The following HS6ST3 variants were observed in gnomAD, a reference collection of about 807,000 sequenced individuals.
HS6ST3 encodes the protein heparan-sulfate 6-O-sulfotransferase 3.
A neutral mutation model predicts 36.7 loss-of-function variants in HS6ST3; 12 were observed. The observed-to-expected ratio is 0.33, with a 90% CI of 0.21 to 0.53. The LOEUF (loss-of-function observed/expected upper bound fraction) is 0.53. HS6ST3 is among the 20% of genes least tolerant of loss of function. HS6ST3 has a pLI of 0.95. For synonymous variants in HS6ST3, 240 were observed against 257.5 expected, an observed-to-expected ratio of 0.93 and a Z score of 0.65; for missense variants, 584 against 640.9, an observed-to-expected ratio of 0.91 and a Z score of 0.96.
chr13:96,364,073 A>G (rs1594763289), intron 1 of HS6ST3, among the ~76,000 whole-genome samples: 1 of 152,314 alleles, frequency 6.6e-6, no homozygotes, highest in East Asian at 1.9e-4. Flanking sequence ...AATAATTTAT[A>G]AAAATACTGG....
At chr13:96,247,639 G>A (rs571783758) in intron 1 of HS6ST3, among the ~76,000 whole-genome samples, 23 of 152,216 alleles carry the variant, frequency 1.5e-4, no homozygotes, top group African/African-American at 5.1e-4. Flanking sequence ...TTTCTTTAGA[G>A]TAGGGTGAAA....
intron 1 of HS6ST3, among the ~76,000 whole-genome samples, chr13:96,379,022 T>C (rs1324813856): frequency 6.6e-6 from 1 of 152,162 alleles, no homozygotes; most frequent in East Asian, 1.9e-4. Flanking sequence ...TCTTATTGAT[T>C]TAGCTTGTGC....
intron 1 of HS6ST3, among the ~76,000 whole-genome samples, chr13:96,656,040 T>A (rs1326672689): frequency 6.6e-6 from 1 of 152,176 alleles, no homozygotes; most frequent in Non-Finnish European, 1.5e-5. Flanking sequence ...ACATACTAAT[T>A]GATATAATCC....
chr13:96,130,274 G>C (rs1024343003), intron 1 of HS6ST3, among the ~76,000 whole-genome samples: 3 of 152,140 alleles, frequency 2.0e-5, no homozygotes, highest in Admixed American at 2.0e-4. Flanking sequence ...AAGGGCATGC[G>C]TGTGGTGCTG....
At chr13:96,360,066 A>T (rs555166888) in intron 1 of HS6ST3, among the ~76,000 whole-genome samples, 1 of 152,124 alleles carries the variant, frequency 6.6e-6, no homozygotes, top group Non-Finnish European at 1.5e-5. Context: ...GACAGGGCAG[A>T]GATGAAGTGA....
At chr13:96,210,522 G>T (rs141154428) in intron 1 of HS6ST3, among the ~76,000 whole-genome samples, 1,764 of 151,724 alleles carry the variant, frequency 0.012, 37 homozygotes, top group African/African-American at 0.041. Context: ...CTGTGTATTT[G>T]TTTCGATCAC....
chr13:96,260,840 A>G, intron 1 of HS6ST3, among the ~76,000 whole-genome samples: 1 of 151,748 alleles, frequency 6.6e-6, no homozygotes, highest in East Asian at 2.0e-4. Context: ...GGGTTTTGCC[A>G]TGTTGGCCAG....
chr13:96,673,000 T>C (rs980911917), intron 1 of HS6ST3, among the ~76,000 whole-genome samples: 14 of 152,214 alleles, frequency 9.2e-5, no homozygotes, highest in African/African-American at 2.9e-4. Context: ...ATTAGCAACA[T>C]TGGGCTGAAA....
intron 1 of HS6ST3, among the ~76,000 whole-genome samples, chr13:96,831,964 A>AAAAAAAAAAAC (rs1878799556): frequency 1.4e-5 from 2 of 145,606 alleles, no homozygotes; most frequent in African/African-American, 5.1e-5. Context: ...CAAAAAAAAA[A>AAAAAAAAAAAC]AAAAAAAAAA....
chr13:96,664,999 G>A (rs551059142), intron 1 of HS6ST3, among the ~76,000 whole-genome samples: 13 of 151,966 alleles, frequency 8.6e-5, no homozygotes, highest in Non-Finnish European at 1.3e-4. Flanking sequence ...TGGTGAAACC[G>A]CGTCTCTACA....
At chr13:96,176,217 C>G (rs991254500) in intron 1 of HS6ST3, among the ~76,000 whole-genome samples, 5 of 152,150 alleles carry the variant, frequency 3.3e-5, no homozygotes, top group Non-Finnish European at 5.9e-5. Context: ...TTTCCTCACA[C>G]AACTCATCAA....
At chr13:96,446,240 TAGTCTC>T (rs1275606363) in intron 1 of HS6ST3, among the ~76,000 whole-genome samples, 2 of 152,316 alleles carry the variant, frequency 1.3e-5, no homozygotes, top group Admixed American at 1.3e-4. Context: ...AGCTGGATAT[TAGTCTC>T]AGTCTCTATA....
At chr13:96,179,999 A>G (rs2054231938) in intron 1 of HS6ST3, among the ~76,000 whole-genome samples, 1 of 151,994 alleles carries the variant, frequency 6.6e-6, no homozygotes, top group South Asian at 2.1e-4. Context: ...ACACCCAGCT[A>G]ACTTTTGTGT....
chr13:96,810,649 A>C (rs1426677991), intron 1 of HS6ST3, among the ~76,000 whole-genome samples: 1 of 152,226 alleles, frequency 6.6e-6, no homozygotes, highest in African/African-American at 2.4e-5. Context: ...GCTTCTGTCT[A>C]ATGAACGAGT....
Position 96,305,890 on chromosome 13 carries a change from C to A in HS6ST3, c.707+214321C>A, listed in dbSNP as rs141177343. Among the ~76,000 whole-genome samples the A allele has an allele frequency of 7.3e-3, 838 of 115,564 alleles. 6 individuals are homozygous for A. Among genetic ancestry groups the A allele is most frequent in the Middle Eastern group, 0.012 (2 of 164 alleles). The allele number at this position is 115,564 out of a possible 152,430, so 75.8% of individuals were successfully genotyped here. A position where few individuals can be genotyped will look rare whatever the true frequency, so the allele number is the denominator to read the frequency against. The stretch of plus-strand genomic sequence containing the variant: ...TGGAGACGGAGTTCATGGTTCATTT[C>A]TATTAACATTTATGTACCAGATTTC... On this transcript the variant is annotated intron_variant, in intron 1 of 1. Transcript: ENST00000376705.
At chr13:96,188,621 C>T (rs1285881731) in intron 1 of HS6ST3, among the ~76,000 whole-genome samples, 2 of 152,084 alleles carry the variant, frequency 1.3e-5, no homozygotes, top group African/African-American at 4.8e-5. Flanking sequence ...ATAGAAAGTG[C>T]CTTGGATGGT....
At chr13:96,424,850 A>G (rs144563375) in intron 1 of HS6ST3, among the ~76,000 whole-genome samples, 61 of 152,362 alleles carry the variant, frequency 4.0e-4, no homozygotes, top group Admixed American at 7.2e-4. Context: ...TCATGCTGGT[A>G]TATAAGATTG....
chr13:96,319,438 A>G (rs1232244799), intron 1 of HS6ST3, among the ~76,000 whole-genome samples: 1 of 152,186 alleles, frequency 6.6e-6, no homozygotes, highest in Non-Finnish European at 1.5e-5. Flanking sequence ...GCTCTTATGA[A>G]TAATGTTGCC....
intron 1 of HS6ST3, among the ~76,000 whole-genome samples, chr13:96,346,529 C>G (rs7989766): frequency 0.045 from 6,732 of 150,810 alleles, 193 homozygotes; most frequent in South Asian, 0.14. Context: ...GAGCCGAGAT[C>G]GCGCCACTGC....
Sources: allele counts gnomAD v4.1 joint callset (sites outside exome capture counted in the v4.1 genomes callset), GRCh38; gene constraint gnomAD v4.1.1; transcripts MANE v1.5; gene names NCBI Gene and HGNC (gene_info 2026-07-23, HGNC 2026-07-21).